The following FOXP1 variants were observed in gnomAD, a reference collection of about 807,000 sequenced individuals.
The protein encoded by FOXP1 is forkhead box P1.
In FOXP1, 15 loss-of-function variants were observed where a neutral mutation model predicts 98.2. That is an observed-to-expected ratio of 0.15 (90% CI 0.10 to 0.24). FOXP1 has a LOEUF of 0.24. FOXP1 is among the 10% of genes least tolerant of loss of function. FOXP1 has a pLI of 1.00. For synonymous variants in FOXP1, 371 were observed against 314.5 expected (o/e 1.18, Z -1.90); for missense variants, 633 against 848.5 (o/e 0.75, Z 3.15).
chr3:71,335,900 G>A (rs2076634453), intron 4 of FOXP1, among the ~76,000 whole-genome samples: 1 of 151,096 alleles, frequency 6.6e-6, no homozygotes, highest in South Asian at 2.1e-4. Context: ...AGCTACTCAG[G>A]AGGCTAAGGT....
chr3:71,019,209 C>T (rs1194739006), intron 11 of FOXP1, among the ~76,000 whole-genome samples: 1 of 152,084 alleles, frequency 6.6e-6, no homozygotes, highest in Non-Finnish European at 1.5e-5. Context: ...TAATTTAGAG[C>T]TACATTTACA....
chr3:71,176,222 G>C lies in FOXP1; in HGVS notation c.180+21980C>G, dbSNP rs570973300. ...GTGACAGCTGTTTGGGGCACCTGGA[G>C]AAAGTCTACAGTTTAAGTCTTCGGG... On this transcript the variant is annotated intron_variant, in intron 6 of 20. Coordinates refer to ENST00000649528, the MANE Select transcript of FOXP1 (RefSeq NM_001349338.3). 3.9e-5 allele frequency among the ~76,000 whole-genome samples: 6 copies of C among 152,254 alleles called. No homozygotes were observed. The South Asian group carries it at 1.2e-3, about 32-fold the overall frequency.
At chr3:71,165,788 G>A (rs1310594434) in intron 6 of FOXP1, among the ~76,000 whole-genome samples, 20 of 151,870 alleles carry the variant, frequency 1.3e-4, no homozygotes, top group Admixed American at 1.1e-3. Context: ...GGCATGCCAC[G>A]AACCACTTGG....
chr3:71,311,169 G>C (rs575416307), intron 4 of FOXP1, among the ~76,000 whole-genome samples: 2 of 152,202 alleles, frequency 1.3e-5, no homozygotes, highest in African/African-American at 4.8e-5. Context: ...ACTGCAGCCT[G>C]GAACTAACTA....
At chr3:71,345,054 T>G (rs1244169628) in intron 4 of FOXP1, among the ~76,000 whole-genome samples, 1 of 152,070 alleles carries the variant, frequency 6.6e-6, no homozygotes, top group Non-Finnish European at 1.5e-5. Flanking sequence ...AAAGAAAATA[T>G]TTGGGGATAC....
At chr3:71,144,190 C>T (rs2060198977) in intron 6 of FOXP1, among the ~76,000 whole-genome samples, 1 of 152,144 alleles carries the variant, frequency 6.6e-6, no homozygotes, top group Non-Finnish European at 1.5e-5. Context: ...TAAAAGCACT[C>T]AGAAAAAGAA....
upstream of FOXP1, chr3:71,583,953 T>C (rs2048395679): frequency 1.0e-6 from 1 of 968,782 alleles, no homozygotes; most frequent in Non-Finnish European, 1.2e-6. Context: ...AGCGGCTCCC[T>C]CTTTGCCGTT....
rs530100517 is a variant in FOXP1 at position 71,103,447 on chromosome 3, A to G, written c.282+9089T>C. Among the ~76,000 whole-genome samples the G allele has an allele frequency of 7.9e-4, 120 of 152,270 alleles. 2 individuals are homozygous for G. The South Asian group carries it at 0.024, about 30-fold the overall frequency. On this transcript the variant is annotated intron_variant, in intron 7 of 20. Coordinates refer to ENST00000649528, the MANE Select transcript of FOXP1 (RefSeq NM_001349338.3). ...GCACCAAACTTTTCGAGCTCATCCT[A>G]TATGCACAACCTCTGTCTCACCGTG... is the stretch of plus-strand genomic sequence containing the variant.
rs533076259 is a variant in FOXP1, at chr3:71,404,212, C to T, written c.-167-44968G>A. The stretch of plus-strand genomic sequence containing the variant: ...GCGTGATCTTGGCTCACCGCAACCT[C>T]CGCCTCCCAGGTTCAAGTGATTCTC... On this transcript the variant is annotated intron_variant, in intron 3 of 20. Coordinates refer to ENST00000649528, the MANE Select transcript of FOXP1 (RefSeq NM_001349338.3). Among the ~76,000 whole-genome samples the T allele has an allele frequency of 9.4e-5, 14 of 148,330 alleles. No homozygotes were observed. In the South Asian group the frequency reaches 2.8e-3, roughly 29 times the overall value.
intron 6 of FOXP1, among the ~76,000 whole-genome samples, chr3:71,196,770 G>A (rs138835252): frequency 1.5e-4 from 23 of 152,318 alleles, no homozygotes; most frequent in Admixed American, 1.4e-3. Context: ...TTGGCCATCT[G>A]CACTAACTTA....
intron 6 of FOXP1, among the ~76,000 whole-genome samples, chr3:71,137,139 G>A (rs1040303632): frequency 5.3e-5 from 8 of 152,112 alleles, no homozygotes; most frequent in African/African-American, 1.9e-4. Flanking sequence ...TCTCAGACAC[G>A]CCTAGCGGCC....
intron 3 of FOXP1, among the ~76,000 whole-genome samples, chr3:71,413,137 C>CT (rs577297436): frequency 2.0e-4 from 30 of 147,188 alleles, no homozygotes; most frequent in African/African-American, 7.5e-4. Flanking sequence ...CACGCACCCC[C>CT]AAACAGCCAC....
chr3:71,268,312 C>T (rs959480040), intron 5 of FOXP1, among the ~76,000 whole-genome samples: 1 of 151,782 alleles, frequency 6.6e-6, no homozygotes, highest in African/African-American at 2.4e-5. Flanking sequence ...GAAAATAATT[C>T]TAAAAATCAG....
At chr3:71,518,766 C>T (rs2042763058) in intron 2 of FOXP1, among the ~76,000 whole-genome samples, 1 of 152,186 alleles carries the variant, frequency 6.6e-6, no homozygotes, top group Non-Finnish European at 1.5e-5. Context: ...TTATTTGTTA[C>T]AGCAGCTAGC....
At chr3:71,556,576 CAAAAAAAAAAAAAAAA>C (rs757217111) in intron 2 of FOXP1, among the ~76,000 whole-genome samples, 1 of 29,818 alleles carries the variant, frequency 3.4e-5, no homozygotes, top group African/African-American at 1.3e-4. Context: ...GACTCCGTCT[CAAAAAAAAAAAAAAAA>C]AAAAAAAAAA....
At chr3:71,385,386 C>T (rs1396242298) in intron 3 of FOXP1, among the ~76,000 whole-genome samples, 3 of 152,150 alleles carry the variant, frequency 2.0e-5, no homozygotes, top group African/African-American at 2.4e-5. Flanking sequence ...TAAAATTCTG[C>T]GTGTTGGCCT....
At chr3:70,968,644 C>G (rs1266460273) in intron 19 of FOXP1, 1 of 152,200 alleles carries the variant, frequency 6.6e-6, no homozygotes, top group African/African-American at 2.4e-5. Flanking sequence ...ATAATGCAAT[C>G]TGTCCCAAGT....
intron 2 of FOXP1, among the ~76,000 whole-genome samples, chr3:71,501,938 G>A (rs2041403644): frequency 6.6e-6 from 1 of 152,156 alleles, no homozygotes. Flanking sequence ...AGATCAGCAA[G>A]GCAGGGTCTG....
chr3:71,526,964 A>G (rs2043437005), intron 2 of FOXP1, among the ~76,000 whole-genome samples: 1 of 146,776 alleles, frequency 6.8e-6, no homozygotes, highest in Admixed American at 6.8e-5. Context: ...TATAACTCCA[A>G]CTCAAAAAAA....
Sources: gnomAD v4.1 joint callset for allele counts (sites outside exome capture counted in the v4.1 genomes callset) on GRCh38, gnomAD v4.1.1 for gene constraint, MANE v1.5 for transcripts, NCBI Gene and HGNC (gene_info 2026-07-23, HGNC 2026-07-21) for gene names.